Variants in EYS observed in about 807,000 individuals in gnomAD.
The protein encoded by EYS is EGF-like photoreceptor maintenance factor, also known as protein eyes shut homolog.
In EYS, 250 loss-of-function variants were observed where a neutral mutation model predicts 282.1. That is an observed-to-expected ratio of 0.89 (90% CI 0.80 to 0.98). The LOEUF (loss-of-function observed/expected upper bound fraction) is 0.98, where lower values mean the gene tolerates loss of function less well. Among genes scored for constraint, EYS ranks in the 50% least tolerant of loss-of-function variants. The probability of loss-of-function intolerance (pLI) is 0.00; values close to 1 mark genes in which losing one functional copy is unlikely to be tolerated. For missense variants in EYS, 4,016 were observed against 3,709.0 expected (o/e 1.08, Z -2.15); for synonymous variants, 1,355 against 1,282.9 (o/e 1.06, Z -1.20).
At chr6:64,999,369 ATTG>A (rs531831943) in intron 13 of EYS, among the ~76,000 whole-genome samples, 10 of 152,274 alleles carry the variant, frequency 6.6e-5, no homozygotes, top group South Asian at 6.2e-4. Context: ...CTTGCTCTTG[ATTG>A]TTGTTGTTGT....
chr6:64,653,698 G>C (rs1768644918), intron 22 of EYS, among the ~76,000 whole-genome samples: 1 of 149,802 alleles, frequency 6.7e-6, no homozygotes, highest in Non-Finnish European at 1.5e-5. Context: ...CTGAGTAGCT[G>C]AAACCACAGG....
intron 12 of EYS, among the ~76,000 whole-genome samples, chr6:65,150,981 T>C (rs934200434): frequency 6.6e-6 from 1 of 152,192 alleles, no homozygotes; most frequent in African/African-American, 2.4e-5. Context: ...TAAGTGAAAC[T>C]TTGGCAGTAT....
intron 22 of EYS, among the ~76,000 whole-genome samples, chr6:64,664,677 G>A (rs573798112): frequency 1.2e-3 from 176 of 152,204 alleles, no homozygotes; most frequent in African/African-American, 3.9e-3. Flanking sequence ...TAATGAATAG[G>A]AGTATTATTC....
rs536613074 is a variant in EYS at position 63,953,172 on chromosome 6, G to T, written c.7055+31211C>A. On this transcript the variant is annotated intron_variant, in intron 35 of 42. Transcript: ENST00000503581. ...TCCCCTGCACCCCTCATCCCAGCCT[G>T]TTTTTGCTTTTACCTGGACTGACCC... Among the ~76,000 whole-genome samples the T allele has an allele frequency of 1.1e-3, 163 of 152,178 alleles. 2 individuals carry two copies. The highest frequency in any genetic ancestry group is 1.3e-3 in the Non-Finnish European group (87 of 67,986).
intron 12 of EYS, among the ~76,000 whole-genome samples, chr6:65,277,422 A>C (rs1768077570): frequency 8.1e-6 from 1 of 123,554 alleles, no homozygotes. Context: ...ACAGAGTGAG[A>C]TTCCGTCAAA....
intron 2 of EYS, among the ~76,000 whole-genome samples, chr6:65,562,629 A>C (rs1769110067): frequency 6.6e-6 from 1 of 152,078 alleles, no homozygotes; most frequent in Admixed American, 6.6e-5. Context: ...CAAAATATAT[A>C]AAGTTTGAGG....
At chr6:64,267,605 T>C (rs1322062500) in intron 30 of EYS, among the ~76,000 whole-genome samples, 2 of 152,038 alleles carry the variant, frequency 1.3e-5, no homozygotes, top group African/African-American at 4.8e-5. Context: ...ATATAGACAT[T>C]AAAAATCTTG....
chr6:64,371,918 G>T (rs1228972992), intron 29 of EYS, among the ~76,000 whole-genome samples: 2 of 152,066 alleles, frequency 1.3e-5, no homozygotes, highest in African/African-American at 4.8e-5. Flanking sequence ...CTGCGTGTGA[G>T]ATTGGTCTCC....
At chr6:65,595,864 G>C (rs952251417) in intron 2 of EYS, among the ~76,000 whole-genome samples, 1 of 152,020 alleles carries the variant, frequency 6.6e-6, no homozygotes, top group African/African-American at 2.4e-5. Context: ...TTAATGAATG[G>C]AAAATATCAG....
At chr6:64,752,275 G>A (rs953042792) in intron 22 of EYS, among the ~76,000 whole-genome samples, 19 of 151,990 alleles carry the variant, frequency 1.3e-4, no homozygotes, top group African/African-American at 4.3e-4. Flanking sequence ...CTCAGGATAT[G>A]AATTAAAAAT....
At chr6:64,602,589 C>G (rs1053497144) in intron 24 of EYS, among the ~76,000 whole-genome samples, 1 of 152,018 alleles carries the variant, frequency 6.6e-6, no homozygotes, top group Non-Finnish European at 1.5e-5. Context: ...AAACATTTTC[C>G]CCTTTTCCCA....
At chr6:63,927,816 T>A (rs531792316) in intron 35 of EYS, among the ~76,000 whole-genome samples, 1 of 152,330 alleles carries the variant, frequency 6.6e-6, no homozygotes, top group Admixed American at 6.5e-5. Flanking sequence ...AGGATGGCTG[T>A]GTTAGGTAGC....
chr6:65,338,154 T>G (rs1299557496), intron 10 of EYS, among the ~76,000 whole-genome samples: 1 of 151,258 alleles, frequency 6.6e-6, no homozygotes, highest in Non-Finnish European at 1.5e-5. Context: ...GCTGCAGTTA[T>G]GTACTATATC....
At chr6:65,702,583 T>C (rs910307201) in intron 1 of EYS, among the ~76,000 whole-genome samples, 3 of 152,012 alleles carry the variant, frequency 2.0e-5, no homozygotes, top group African/African-American at 7.3e-5. Flanking sequence ...TCCCAACTAA[T>C]TGGGATGCAG....
intron 15 of EYS, among the ~76,000 whole-genome samples, chr6:64,930,374 G>T (rs572979695): frequency 1.3e-5 from 2 of 148,580 alleles, no homozygotes; most frequent in African/African-American, 2.5e-5. Context: ...GATAGATATT[G>T]TGCCATAGAT....
At chr6:65,398,834 C>G (rs1243747596) in intron 7 of EYS, among the ~76,000 whole-genome samples, 2 of 152,086 alleles carry the variant, frequency 1.3e-5, no homozygotes, top group Non-Finnish European at 2.9e-5. Context: ...TCCTGCCAAC[C>G]AGGCCCTTCT....
intron 12 of EYS, among the ~76,000 whole-genome samples, chr6:65,086,202 C>A (rs997624892): frequency 6.6e-6 from 1 of 151,922 alleles, no homozygotes; most frequent in Non-Finnish European, 1.5e-5. Context: ...TATAATTCCA[C>A]CTATTTGAGA....
intron 28 of EYS, among the ~76,000 whole-genome samples, chr6:64,413,263 T>C (rs1049323024): frequency 1.3e-5 from 2 of 152,130 alleles, no homozygotes; most frequent in Non-Finnish European, 2.9e-5. Context: ...CTCCAAGATC[T>C]AGGCTATGGT....
chr6:65,276,142 A>G (rs1461302460), intron 12 of EYS, among the ~76,000 whole-genome samples: 1 of 152,130 alleles, frequency 6.6e-6, no homozygotes, highest in East Asian at 1.9e-4. Context: ...GTTTTCTGAA[A>G]GCTCAGTTAT....
Sources: allele counts gnomAD v4.1 joint callset (sites outside exome capture counted in the v4.1 genomes callset), GRCh38; gene constraint gnomAD v4.1.1; transcripts MANE v1.5; gene names NCBI Gene and HGNC (gene_info 2026-07-23, HGNC 2026-07-21).